Variants in DPY19L1 observed in about 807,000 individuals in gnomAD.
The protein encoded by DPY19L1 is dpy-19 like C-mannosyltransferase 1.
Under a neutral mutation model 96.9 loss-of-function variants are expected in DPY19L1, and 35 were observed. That is an observed-to-expected ratio of 0.36 (90% CI 0.28 to 0.48). The LOEUF is 0.48. DPY19L1 is among the 20% of genes least tolerant of loss of function. The probability of loss-of-function intolerance (pLI) is 0.99; values close to 1 mark genes in which losing one functional copy is unlikely to be tolerated. For missense variants in DPY19L1, 521 were observed against 777.9 expected, an observed-to-expected ratio of 0.67 and a Z score of 3.93; for synonymous variants, 205 against 252.6, an observed-to-expected ratio of 0.81 and a Z score of 1.79.
chr7:34,983,296 G>GA (rs1030144358), intron 7 of DPY19L1, among the ~76,000 whole-genome samples: 10 of 151,496 alleles, frequency 6.6e-5, no homozygotes, highest in African/African-American at 9.7e-5. Flanking sequence ...ATTATCAAGA[G>GA]AAAAAAAACA....
intron 1 of DPY19L1, among the ~76,000 whole-genome samples, chr7:35,032,851 C>A (rs1443720750): frequency 6.6e-6 from 1 of 152,024 alleles, no homozygotes; most frequent in Non-Finnish European, 1.5e-5. Context: ...TAAGTCCTAT[C>A]ATTTTCACCT....
chr7:34,939,757 C>T (rs1214972346), intron 19 of DPY19L1, among the ~76,000 whole-genome samples: 1 of 152,160 alleles, frequency 6.6e-6, no homozygotes. Flanking sequence ...CAGATGACAA[C>T]AAAGTCTCCC....
chr7:34,989,941 A>G lies in DPY19L1; in HGVS notation c.765T>C (p.Ser255=). Residue 255 remains serine, a splice_region_variant and synonymous_variant, in exon 7 of 22, where the codon AGT becomes AGC. Coordinates refer to ENST00000638088, the MANE Select transcript of DPY19L1 (RefSeq NM_001366673.1). ...TAACCAGGCCTCCTAATCGGCTGCC[A>G]CTGGAAAAGAAGAAAACATAACTCA... ...ALFFIYGTYL[S]GSRLGGLVTV... is the part of the protein sequence containing the mutation. 1 of 1,608,062 alleles carries G rather than the reference A, an allele frequency of 6.2e-7. No homozygotes were observed. The highest frequency in any genetic ancestry group is 1.1e-5 in the South Asian group (1 of 89,332).
chr7:35,037,732 G>T, upstream of DPY19L1: 4 of 883,772 alleles, frequency 4.5e-6, no homozygotes, highest in Non-Finnish European at 5.5e-6. Flanking sequence ...CTCTGCGCCG[G>T]ACGCGCGCTC....
intron 6 of DPY19L1, among the ~76,000 whole-genome samples, chr7:34,994,454 A>G (rs549674963): frequency 1.3e-5 from 2 of 152,358 alleles, no homozygotes; most frequent in East Asian, 3.9e-4. Flanking sequence ...TGGAAATTTA[A>G]TAACTTTAAT....
At position 35,014,163 on chromosome 7, in the gene DPY19L1, G is replaced by T. The variant is rs1284673503; in HGVS notation, c.412-458C>A. Among the ~76,000 whole-genome samples the T allele has an allele frequency of 4.6e-5, 7 of 152,140 alleles. No homozygotes were observed. In the South Asian group the frequency reaches 6.2e-4, roughly 14 times the overall value. On this transcript the variant is annotated intron_variant, in intron 3 of 21. Coordinates refer to ENST00000638088, the MANE Select transcript of DPY19L1 (RefSeq NM_001366673.1). The stretch of plus-strand genomic sequence containing the variant: ...AGTCATTTTTCCTCCGGATTTACAT[G>T]CAAAAATGCAAATGTGTTGAGAAGG...
At chr7:34,978,543 T>C (rs1784875853) in intron 7 of DPY19L1, among the ~76,000 whole-genome samples, 2 of 152,104 alleles carry the variant, frequency 1.3e-5, no homozygotes, top group African/African-American at 4.8e-5. Flanking sequence ...TGAGTATCTC[T>C]TGTTTGATGC....
chr7:34,993,857 C>T (rs971277362), intron 6 of DPY19L1, among the ~76,000 whole-genome samples: 2 of 151,182 alleles, frequency 1.3e-5, no homozygotes, highest in East Asian at 1.9e-4. Flanking sequence ...GCCAGGAGTT[C>T]GACACCAGCC....
chr7:34,983,285 C>T (rs1784979025), intron 7 of DPY19L1, among the ~76,000 whole-genome samples: 1 of 151,802 alleles, frequency 6.6e-6, no homozygotes, highest in South Asian at 2.1e-4. Context: ...AAATATGACC[C>T]ATTATCAAGA....
chr7:34,937,873 A>T (rs914864898), intron 21 of DPY19L1, 121 bp downstream of exon 21: 18 of 1,054,872 alleles, frequency 1.7e-5, no homozygotes, highest in African/African-American at 3.2e-5. Flanking sequence ...AAAAAGAAGA[A>T]GTTTTTCCAT....
intron 10 of DPY19L1, among the ~76,000 whole-genome samples, chr7:34,960,250 GTTAT>G (rs1332753470): frequency 3.3e-5 from 5 of 151,896 alleles, no homozygotes; most frequent in South Asian, 2.1e-4. Flanking sequence ...TCAATAACGT[GTTAT>G]TTATAGTTAT....
intron 10 of DPY19L1, among the ~76,000 whole-genome samples, chr7:34,965,280 T>C (rs397833331): frequency 1.3e-5 from 2 of 152,218 alleles, no homozygotes; most frequent in Non-Finnish European, 2.9e-5. Context: ...AAATGAATTA[T>C]GCTTTATTTA....
At chr7:34,933,309 G>A (rs1184010612) in intron 21 of DPY19L1, among the ~76,000 whole-genome samples, 4 of 152,172 alleles carry the variant, frequency 2.6e-5, no homozygotes, top group African/African-American at 9.7e-5. Flanking sequence ...CGCTTCCCGA[G>A]TCCACAGTCC....
At chr7:34,961,414 A>C (rs1336441717) in intron 10 of DPY19L1, among the ~76,000 whole-genome samples, 1 of 152,202 alleles carries the variant, frequency 6.6e-6, no homozygotes, top group Non-Finnish European at 1.5e-5. Flanking sequence ...CCTTTCCACA[A>C]ACGGTGCTGG....
chr7:34,942,688 A>T, intron 16 of DPY19L1, 49 bp from the exon 17 acceptor site: 1 of 1,498,374 alleles, frequency 6.7e-7, no homozygotes, highest in Non-Finnish European at 9.1e-7. Context: ...TGAAGCACTT[A>T]CGTCATATAT....
At chr7:34,968,834 A>AT (rs1462224900) in intron 9 of DPY19L1, among the ~76,000 whole-genome samples, 1 of 151,198 alleles carries the variant, frequency 6.6e-6, no homozygotes, top group East Asian at 1.9e-4. Context: ...TATCAGTACA[A>AT]TAAAAAAAAA....
chr7:34,955,501 T>G, intron 11 of DPY19L1, 134 bp from the exon 12 acceptor site: 1 of 1,117,650 alleles, frequency 8.9e-7, no homozygotes, highest in Non-Finnish European at 1.3e-6. Context: ...CCACATACCA[T>G]CCACATGCTC....
chr7:34,990,903 A>G (rs1298476817), intron 6 of DPY19L1, among the ~76,000 whole-genome samples: 1 of 152,170 alleles, frequency 6.6e-6, no homozygotes, highest in Non-Finnish European at 1.5e-5. Context: ...AAAGAACCAG[A>G]TGGTATAGGC....
chr7:34,976,673 A>C (rs1488090809), intron 7 of DPY19L1, among the ~76,000 whole-genome samples: 1 of 152,226 alleles, frequency 6.6e-6, no homozygotes, highest in Non-Finnish European at 1.5e-5. Flanking sequence ...TCTTATTTTA[A>C]GAAATTGCCA....
Sources: allele counts gnomAD v4.1 joint callset (sites outside exome capture counted in the v4.1 genomes callset), GRCh38; gene constraint gnomAD v4.1.1; transcripts MANE v1.5; gene names NCBI Gene and HGNC (gene_info 2026-07-23, HGNC 2026-07-21).